Variants in ERC1 observed in about 807,000 individuals in gnomAD.
ERC1 encodes ELKS/RAB6-interacting/CAST family member 1.
A neutral mutation model predicts 132.0 loss-of-function variants in ERC1; 56 were observed. The observed-to-expected ratio is 0.42, with a 90% confidence interval of 0.34 to 0.53. ERC1 has a LOEUF of 0.53. Among genes scored for constraint, ERC1 ranks in the 20% least tolerant of loss-of-function variants. ERC1 has a pLI of 0.03. For synonymous variants in ERC1, 478 were observed against 476.1 expected (o/e 1.00, Z -0.05); for missense variants, 1,202 against 1,349.9 (o/e 0.89, Z 1.72).
At chr12:1,406,496 G>A (rs1182839578) in intron 16 of ERC1, among the ~76,000 whole-genome samples, 5 of 152,130 alleles carry the variant, frequency 3.3e-5, no homozygotes, top group Non-Finnish European at 1.5e-5. Flanking sequence ...AGAAAAAGTA[G>A]AATAAATCAG....
At chr12:1,229,461 C>T (rs1293698702) in intron 12 of ERC1, among the ~76,000 whole-genome samples, 1 of 152,012 alleles carries the variant, frequency 6.6e-6, no homozygotes, top group African/African-American at 2.4e-5. Context: ...TCACTGTGCC[C>T]CAGCCTGGAC....
At chr12:1,213,135 A>C (rs1221526177) in intron 12 of ERC1, among the ~76,000 whole-genome samples, 3 of 151,908 alleles carry the variant, frequency 2.0e-5, no homozygotes, top group Non-Finnish European at 4.4e-5. Flanking sequence ...TAGTTTTCTG[A>C]CCTACCGGTA....
chr12:1,380,476 C>T (rs2088517856), intron 16 of ERC1: 1 of 152,248 alleles, frequency 6.6e-6, no homozygotes, highest in Non-Finnish European at 1.5e-5. Flanking sequence ...TGCCAGTCTC[C>T]TTGACGTGTA....
intron 15 of ERC1, among the ~76,000 whole-genome samples, chr12:1,323,977 C>T (rs1316898700): frequency 6.6e-6 from 1 of 152,146 alleles, no homozygotes; most frequent in African/African-American, 2.4e-5. Flanking sequence ...CCCTGCCCTC[C>T]CACCTCCCTG....
intron 6 of ERC1, among the ~76,000 whole-genome samples, chr12:1,112,504 A>G (rs535231549): frequency 2.6e-5 from 4 of 152,264 alleles, no homozygotes; most frequent in Non-Finnish European, 5.9e-5. Flanking sequence ...GTGAGCCTTC[A>G]CGTGTTCTGG....
chr12:1,368,326 T>A (rs1232343153), intron 15 of ERC1, among the ~76,000 whole-genome samples: 2 of 152,254 alleles, frequency 1.3e-5, no homozygotes, highest in East Asian at 3.8e-4. Context: ...TTATTTTCTT[T>A]ATACTTTTCT....
At chr12:1,183,773 GGGAGGTTGAGGTGGGA>G (rs57483099) in intron 11 of ERC1, among the ~76,000 whole-genome samples, 14,897 of 152,032 alleles carry the variant, frequency 0.098, 2,416 homozygotes, top group African/African-American at 0.34. Flanking sequence ...CCAGCTCCTT[GGGAGGTTGAGGTGGGA>G]GGATTACTTG....
intron 13 of ERC1, chr12:1,244,795 A>C (rs1252242399): frequency 4.1e-6 from 1 of 244,496 alleles, no homozygotes. Flanking sequence ...CTGGGATTAC[A>C]GGTGTGAACC....
intron 7 of ERC1, among the ~76,000 whole-genome samples, chr12:1,122,665 C>G (rs12302014): frequency 0.18 from 6,158 of 33,532 alleles, 2,347 homozygotes; most frequent in Middle Eastern, 0.24. Flanking sequence ...ATCTCTATCT[C>G]TGCCTATTGA....
chr12:1,253,442 C>T (rs1334914484), intron 13 of ERC1, among the ~76,000 whole-genome samples: 2 of 152,068 alleles, frequency 1.3e-5, no homozygotes, highest in South Asian at 4.1e-4. Context: ...TTTGGGAAGC[C>T]GAGGCGGGCA....
chr12:1,343,064 A>T (rs1030663404), intron 15 of ERC1, among the ~76,000 whole-genome samples: 1 of 152,182 alleles, frequency 6.6e-6, no homozygotes, highest in Non-Finnish European at 1.5e-5. Flanking sequence ...CAGTCCGGGC[A>T]TTAGAGAGCT....
At chr12:1,266,391 CT>C (rs71293128) in intron 14 of ERC1, among the ~76,000 whole-genome samples, 19 of 43,014 alleles carry the variant, frequency 4.4e-4, no homozygotes, top group African/African-American at 9.9e-4. Context: ...CGTTTCCTGT[CT>C]TTTTTTTTTT....
At chr12:1,043,705 TA>T (rs1970642438) in intron 2 of ERC1, among the ~76,000 whole-genome samples, 1 of 152,214 alleles carries the variant, frequency 6.6e-6, no homozygotes, top group African/African-American at 2.4e-5. Flanking sequence ...ATCCTATAAC[TA>T]AATAAATGTG....
intron 12 of ERC1, among the ~76,000 whole-genome samples, chr12:1,225,450 AC>A (rs113592330): frequency 0.21 from 10,400 of 50,638 alleles, 393 homozygotes; most frequent in Middle Eastern, 0.33. Flanking sequence ...GCTGTCTCTT[AC>A]ACACACACAC....
chr12:1,076,706 T>C (rs1404515999), intron 2 of ERC1, among the ~76,000 whole-genome samples: 1 of 152,122 alleles, frequency 6.6e-6, no homozygotes, highest in Non-Finnish European at 1.5e-5. Context: ...AGTAATTGGC[T>C]GCATTATTTT....
At chr12:1,380,455 A>AT (rs1490160282) in intron 16 of ERC1, 5 of 152,358 alleles carry the variant, frequency 3.3e-5, no homozygotes, top group African/African-American at 9.6e-5. Context: ...AACAAGTCTG[A>AT]TGGAATGAGA....
rs1460621924 is a variant in ERC1, at chr12:1,394,029, AAAAACAAAAAAAAAACCAC to A, written c.2926-14116_2926-14098del. On this transcript the variant is annotated intron_variant, in intron 16 of 18. Coordinates refer to ENST00000360905, the MANE Select transcript of ERC1 (RefSeq NM_178040.4). ...AGACTCCGTCTCAAAAAAAAAAAAA[AAAAACAAAAAAAAAACCAC>A]AAAGCATTAAGCAATTTAATTTCTG... Among the ~76,000 whole-genome samples the A allele has an allele frequency of 2.6e-4, 31 of 119,416 alleles. 1 individual carries two copies. Among genetic ancestry groups the A allele is most frequent in the African/African-American group, 1.1e-3 (31 of 28,460 alleles). The allele number at this position is 119,416 out of a possible 152,430, so 78.3% of individuals were successfully genotyped here. A position where few individuals can be genotyped will look rare whatever the true frequency, so the allele number is the denominator to read the frequency against.
chr12:1,209,811 T>A (rs1405016658), intron 12 of ERC1, among the ~76,000 whole-genome samples: 1 of 152,208 alleles, frequency 6.6e-6, no homozygotes, highest in African/African-American at 2.4e-5. Context: ...TCAAATAGAT[T>A]TTTCTCCTTT....
intron 14 of ERC1, among the ~76,000 whole-genome samples, chr12:1,286,184 C>G (rs2079029365): frequency 6.6e-6 from 1 of 150,378 alleles, no homozygotes; most frequent in Non-Finnish European, 1.5e-5. Flanking sequence ...ATCTCAGCTA[C>G]TTGGGAAGCT....
Sources: allele counts gnomAD v4.1 joint callset (sites outside exome capture counted in the v4.1 genomes callset), GRCh38; gene constraint gnomAD v4.1.1; transcripts MANE v1.5; gene names NCBI Gene and HGNC (gene_info 2026-07-23, HGNC 2026-07-21).